Variants in CPEB1 observed in about 807,000 individuals in gnomAD.
The protein encoded by CPEB1 is cytoplasmic polyadenylation element binding protein 1.
CPEB1 carries 7 observed loss-of-function variants against 65.8 expected under a neutral mutation model. The observed-to-expected ratio is 0.11, with a 90% CI of 0.06 to 0.20. CPEB1 has a LOEUF of 0.20. Ranked by LOEUF, CPEB1 falls within the 10% of genes least tolerant of loss-of-function variation. The pLI, the probability that CPEB1 is intolerant of heterozygous loss-of-function variation, is 1.00. For synonymous variants in CPEB1, 262 were observed against 260.0 expected, an observed-to-expected ratio of 1.01 and a Z score of -0.08; for missense variants, 551 against 712.2, an observed-to-expected ratio of 0.77 and a Z score of 2.58.
intron 10 of CPEB1, among the ~76,000 whole-genome samples, chr15:82,547,593 C>G (rs1003271890): frequency 6.6e-6 from 1 of 152,006 alleles, no homozygotes; most frequent in Non-Finnish European, 1.5e-5. Context: ...CGAGCCTGCC[C>G]TAATGCTACT....
chr15:82,647,954 T>C (rs1196615173), upstream of CPEB1: 4 of 1,100,882 alleles, frequency 3.6e-6, no homozygotes, highest in East Asian at 9.9e-5. Flanking sequence ...GCACTATTTT[T>C]GCAGCGGGCC....
At chr15:82,637,724 C>G (rs1297614627) in intron 1 of CPEB1, among the ~76,000 whole-genome samples, 1 of 152,138 alleles carries the variant, frequency 6.6e-6, no homozygotes, top group Non-Finnish European at 1.5e-5. Flanking sequence ...GATATTCTTA[C>G]AGGATCTCTG....
At position 82,591,537 on chromosome 15, in the gene CPEB1, G is replaced by A. The variant is rs536093580; in HGVS notation, c.272-20005C>T. ...CCACCTCGGCCTCCCAAAGTGCTGG[G>A]ATTGTAGGCATGAGTCACTGTGCCC... On this transcript the variant is annotated intron_variant, in intron 3 of 12. Coordinates refer to ENST00000684509, the MANE Select transcript of CPEB1 (RefSeq NM_001365242.1). Among the ~76,000 whole-genome samples, 5 of 152,250 alleles carry A rather than the reference G, an allele frequency of 3.3e-5. No homozygotes were observed. The South Asian group carries it at 1.0e-3, about 32-fold the overall frequency.
intron 3 of CPEB1, among the ~76,000 whole-genome samples, chr15:82,592,186 G>T (rs1357455541): frequency 6.6e-6 from 1 of 151,970 alleles, no homozygotes; most frequent in Non-Finnish European, 1.5e-5. Context: ...TTATTGAATG[G>T]ATATATATAT....
chr15:82,583,943 G>A (rs2041526777), intron 3 of CPEB1, among the ~76,000 whole-genome samples: 1 of 152,186 alleles, frequency 6.6e-6, no homozygotes, highest in Non-Finnish European at 1.5e-5. Context: ...CTAATATTGT[G>A]ACTTGTTGCC....
At chr15:82,590,264 T>G (rs952648380) in intron 3 of CPEB1, among the ~76,000 whole-genome samples, 1 of 142,166 alleles carries the variant, frequency 7.0e-6, no homozygotes, top group Non-Finnish European at 1.5e-5. Context: ...CATTAATTCC[T>G]AAGAAAACTC....
At chr15:82,612,205 T>A (rs550094368) in intron 3 of CPEB1, among the ~76,000 whole-genome samples, 3 of 151,522 alleles carry the variant, frequency 2.0e-5, no homozygotes, top group African/African-American at 7.3e-5. Context: ...GAAGACGGAA[T>A]AGAAATTTGA....
At chr15:82,588,588 G>C (rs998799769) in intron 3 of CPEB1, among the ~76,000 whole-genome samples, 1 of 152,072 alleles carries the variant, frequency 6.6e-6, no homozygotes, top group African/African-American at 2.4e-5. Context: ...TGAGCATTCA[G>C]GCTGCTTCTA....
chr15:82,550,484 T>C (rs2036044528), intron 9 of CPEB1, among the ~76,000 whole-genome samples: 1 of 152,178 alleles, frequency 6.6e-6, no homozygotes. Context: ...GAGTCTGCAG[T>C]ACTCAGACAG....
chr15:82,628,744 T>C lies in CPEB1; in HGVS notation c.-97-188A>G, dbSNP rs557883262. The stretch of plus-strand genomic sequence containing the variant: ...GAGCAAGACCAATCAATCCTTCCTC[T>C]TCCTCGGCCTGCTCAATGTGAAAAC... On this transcript the variant is annotated intron_variant, in intron 1 of 12. Transcript: ENST00000684509. 16 of 344,182 alleles carry C rather than the reference T, an allele frequency of 4.6e-5. No homozygotes were observed. The South Asian group carries it at 9.1e-4, about 20-fold the overall frequency. 21.3% of individuals were successfully genotyped at this position (344,182 alleles called of 1,614,324 possible). A position where few individuals can be genotyped will look rare whatever the true frequency, so the allele number is the denominator to read the frequency against.
chr15:82,560,368 T>C (rs1045658623), intron 4 of CPEB1, among the ~76,000 whole-genome samples: 1 of 151,638 alleles, frequency 6.6e-6, no homozygotes, highest in Non-Finnish European at 1.5e-5. Flanking sequence ...CTCTGACCAC[T>C]AGGTTAAATA....
intron 3 of CPEB1, among the ~76,000 whole-genome samples, chr15:82,598,357 G>A (rs977001514): frequency 6.6e-6 from 1 of 152,008 alleles, no homozygotes; most frequent in Non-Finnish European, 1.5e-5. Context: ...ACCCGGGCAT[G>A]GTGGCGCACA....
At chr15:82,550,249 T>C (rs1314771161) in intron 9 of CPEB1, among the ~76,000 whole-genome samples, 2 of 152,194 alleles carry the variant, frequency 1.3e-5, no homozygotes, top group Non-Finnish European at 2.9e-5. Context: ...CCATGTCCTT[T>C]GCCTCTGAAT....
intron 3 of CPEB1, among the ~76,000 whole-genome samples, chr15:82,591,646 T>A (rs1213418267): frequency 6.6e-6 from 1 of 152,150 alleles, no homozygotes; most frequent in Non-Finnish European, 1.5e-5. Flanking sequence ...TTTTGAAAAG[T>A]GTCTATTCAT....
At chr15:82,646,977 C>T (rs139813060) in intron 1 of CPEB1, 160 bp downstream of exon 1, 1,587 of 152,724 alleles carry the variant, frequency 0.01, 15 homozygotes, top group African/African-American at 0.012. Context: ...TGGCCTCGTC[C>T]GGCACTGAGG....
intron 4 of CPEB1, among the ~76,000 whole-genome samples, chr15:82,563,456 C>T (rs1267903299): frequency 1.3e-5 from 2 of 149,706 alleles, no homozygotes; most frequent in African/African-American, 4.9e-5. Context: ...CTCAACCTCC[C>T]ACTTCAGCCT....
chr15:82,636,679 T>A (rs1236729225), intron 1 of CPEB1, among the ~76,000 whole-genome samples: 2 of 152,152 alleles, frequency 1.3e-5, no homozygotes, highest in Non-Finnish European at 2.9e-5. Flanking sequence ...ACCAATCTGA[T>A]AAACTATAAA....
At chr15:82,636,840 T>C (rs1363670451) in intron 1 of CPEB1, among the ~76,000 whole-genome samples, 3 of 152,186 alleles carry the variant, frequency 2.0e-5, no homozygotes, top group African/African-American at 4.8e-5. Flanking sequence ...TCATAAATGG[T>C]AGTGACTCCT....
intron 5 of CPEB1, chr15:82,557,406 T>G (rs2037405521): frequency 4.3e-6 from 1 of 233,460 alleles, no homozygotes; most frequent in Admixed American, 5.6e-5. Flanking sequence ...TAAATGACAC[T>G]GTTTAAGGGC....
Sources: allele counts gnomAD v4.1 joint callset (sites outside exome capture counted in the v4.1 genomes callset), GRCh38; gene constraint gnomAD v4.1.1; transcripts MANE v1.5; gene names NCBI Gene and HGNC (gene_info 2026-07-23, HGNC 2026-07-21).